Variants in KDM4C observed in about 807,000 individuals in gnomAD.
KDM4C encodes the protein lysine-specific demethylase 4C.
A neutral mutation model predicts 129.3 loss-of-function variants in KDM4C; 81 were observed. The observed-to-expected ratio is 0.63, with a 90% CI of 0.52 to 0.75. KDM4C has a LOEUF of 0.75. Among genes scored for constraint, KDM4C ranks in the 30% least tolerant of loss-of-function variants. KDM4C has a pLI of 0.00. For missense variants in KDM4C, 1,457 were observed against 1,304.0 expected (o/e 1.12, Z -1.81); for synonymous variants, 573 against 456.1 (o/e 1.26, Z -3.26).
chr9:6,790,682 A>AAAAAAG (rs71315564), intron 1 of KDM4C, among the ~76,000 whole-genome samples: 22 of 113,186 alleles, frequency 1.9e-4, no homozygotes, highest in South Asian at 5.9e-4. Context: ...AAAAAAAAAA[A>AAAAAAG]GAGGAAAACT....
chr9:6,928,187 C>A (rs1228919404), intron 8 of KDM4C, among the ~76,000 whole-genome samples: 1 of 152,210 alleles, frequency 6.6e-6, no homozygotes, highest in Non-Finnish European at 1.5e-5. Flanking sequence ...ATCCTTGCAA[C>A]ACATTCTTCT....
At chr9:6,828,916 C>T (rs953717262) in intron 4 of KDM4C, among the ~76,000 whole-genome samples, 4 of 152,260 alleles carry the variant, frequency 2.6e-5, no homozygotes, top group South Asian at 4.1e-4. Context: ...TAGAATTGGC[C>T]GTTTCTCTTT....
chr9:6,825,882 C>T (rs1833790100), intron 4 of KDM4C, among the ~76,000 whole-genome samples: 1 of 152,190 alleles, frequency 6.6e-6, no homozygotes, highest in Non-Finnish European at 1.5e-5. Context: ...ACAATCACAG[C>T]TCACAGCAGC....
intron 1 of KDM4C, among the ~76,000 whole-genome samples, chr9:6,760,028 A>G (rs867647502): frequency 6.6e-6 from 1 of 151,926 alleles, no homozygotes; most frequent in Non-Finnish European, 1.5e-5. Context: ...TTGTGCAACC[A>G]TCACCACAAT....
chr9:6,939,430 T>G (rs891085458), intron 8 of KDM4C, among the ~76,000 whole-genome samples: 3 of 152,218 alleles, frequency 2.0e-5, no homozygotes, highest in African/African-American at 7.2e-5. Context: ...GATTATTTCA[T>G]TATATATTAC....
chr9:7,017,672 C>T (rs913066671), intron 15 of KDM4C, among the ~76,000 whole-genome samples: 1 of 152,152 alleles, frequency 6.6e-6, no homozygotes, highest in Non-Finnish European at 1.5e-5. Context: ...GTGTATGCCT[C>T]ACTCATGATC....
chr9:7,003,272 G>A (rs1249100083), intron 12 of KDM4C, among the ~76,000 whole-genome samples: 2 of 152,184 alleles, frequency 1.3e-5, no homozygotes, highest in African/African-American at 4.8e-5. Flanking sequence ...TTTGTTAATA[G>A]TGTAGATAAA....
intron 17 of KDM4C, among the ~76,000 whole-genome samples, chr9:7,100,474 G>T (rs893602480): frequency 6.6e-6 from 1 of 152,040 alleles, no homozygotes; most frequent in Non-Finnish European, 1.5e-5. Context: ...CGAGTAGCTG[G>T]GATTACAGGT....
At chr9:6,779,020 C>A (rs947859588) in intron 1 of KDM4C, among the ~76,000 whole-genome samples, 2 of 118,324 alleles carry the variant, frequency 1.7e-5, no homozygotes, top group Non-Finnish European at 3.4e-5. Flanking sequence ...CCTCACCAGG[C>A]CTGATTAAAG....
At chr9:6,820,815 C>T (rs1374142499) in intron 4 of KDM4C, among the ~76,000 whole-genome samples, 2 of 151,192 alleles carry the variant, frequency 1.3e-5, no homozygotes, top group Non-Finnish European at 2.9e-5. Context: ...TGGTTTGCTG[C>T]ACCCATCAAC....
chr9:7,062,906 T>C (rs1057406787), intron 17 of KDM4C, among the ~76,000 whole-genome samples: 1 of 152,174 alleles, frequency 6.6e-6, no homozygotes, highest in Admixed American at 6.5e-5. Flanking sequence ...ATTAGAAATA[T>C]AAACTAATTT....
chr9:6,976,361 C>T (rs2760661), intron 8 of KDM4C, among the ~76,000 whole-genome samples: 112,586 of 152,112 alleles, frequency 0.74, 42,041 homozygotes, highest in Middle Eastern at 0.81. Flanking sequence ...ATTCTTAATT[C>T]TTACTGTCTT....
chr9:7,138,657 A>C (rs1587831193), intron 19 of KDM4C, among the ~76,000 whole-genome samples: 1 of 152,058 alleles, frequency 6.6e-6, no homozygotes, highest in Non-Finnish European at 1.5e-5. Flanking sequence ...TTTACAAAAA[A>C]ATTTAAAAAA....
At chr9:6,792,843 C>A in intron 1 of KDM4C, 129 bp from the exon 2 acceptor site, 1 of 907,062 alleles carries the variant, frequency 1.1e-6, no homozygotes, top group Non-Finnish European at 1.7e-6. Context: ...CTCCCTGAGA[C>A]TGGTAGAAGG....
intron 5 of KDM4C, among the ~76,000 whole-genome samples, chr9:6,864,239 C>T (rs988625880): frequency 6.6e-6 from 1 of 151,168 alleles, no homozygotes; most frequent in Non-Finnish European, 1.5e-5. Context: ...GACTTTATCA[C>T]TCCTTTATGT....
chr9:7,077,167 A>C, intron 17 of KDM4C: 1 of 985,440 alleles, frequency 1.0e-6, no homozygotes, highest in Non-Finnish European at 1.2e-6. Context: ...CCTGTTGCTG[A>C]AGCTCATGTT....
At chr9:7,027,677 G>T (rs1456543660) in intron 15 of KDM4C, among the ~76,000 whole-genome samples, 1 of 152,230 alleles carries the variant, frequency 6.6e-6, no homozygotes, top group Non-Finnish European at 1.5e-5. Flanking sequence ...TGCCCTTCAT[G>T]ATGGTGAGTT....
intron 1 of KDM4C, among the ~76,000 whole-genome samples, chr9:6,741,270 G>A (rs1027377084): frequency 6.2e-4 from 94 of 151,788 alleles, no homozygotes; most frequent in African/African-American, 4.6e-4. Flanking sequence ...TGGTGCGTGC[G>A]TGTAGTCCCA....
intron 8 of KDM4C, among the ~76,000 whole-genome samples, chr9:6,901,368 TACC>T (rs1817382754): frequency 6.6e-6 from 1 of 152,204 alleles, no homozygotes; most frequent in African/African-American, 2.4e-5. Flanking sequence ...AAAGGGCTCT[TACC>T]TCACATAAGG....
Sources: gnomAD v4.1 joint callset for allele counts (sites outside exome capture counted in the v4.1 genomes callset) on GRCh38, gnomAD v4.1.1 for gene constraint, MANE v1.5 for transcripts, NCBI Gene and HGNC (gene_info 2026-07-23, HGNC 2026-07-21) for gene names.